DSG3: variants seen among roughly 807,000 people sequenced by gnomAD.
The protein encoded by DSG3 is desmoglein 3.
A neutral mutation model predicts 85.9 loss-of-function variants in DSG3; 63 were observed. The ratio of observed to expected loss-of-function variants is 0.73; its 90% CI spans 0.60 to 0.90. The LOEUF is 0.90. Ranked by LOEUF, DSG3 falls within the 40% of genes least tolerant of loss-of-function variation. The pLI is 0.00. For missense variants in DSG3, 1,220 were observed against 1,219.9 expected, an observed-to-expected ratio of 1.00 and a Z score of 0.00; for synonymous variants, 447 against 441.9, an observed-to-expected ratio of 1.01 and a Z score of -0.14.
Position 31,464,275 on chromosome 18 carries a change from G to A in DSG3, c.1164G>A (p.Lys388=). 1 of 1,614,144 alleles carries A rather than the reference G, an allele frequency of 6.2e-7. No homozygotes were observed. The highest frequency in any genetic ancestry group is 8.5e-7 in the Non-Finnish European group (1 of 1,180,012). ...GAATTGCATTCCGTCCTGCTTCCAA[G>A]ACATTTACTGTGCAAAAAGGCATAA... The part of the protein sequence containing the change: ...REGIAFRPAS[K]TFTVQKGISS... Residue 388 remains lysine, a synonymous_variant, in exon 9 of 16, where the codon AAG becomes AAA. Transcript: ENST00000257189.
chr18:31,472,524 G>A, intron 13 of DSG3, 101 bp downstream of exon 13: 1 of 1,425,464 alleles, frequency 7.0e-7, no homozygotes, highest in Non-Finnish European at 9.4e-7. Context: ...TTGACCTTCA[G>A]TTTCAGAGTC....
At chr18:31,461,073 T>C in intron 7 of DSG3, 112 bp downstream of exon 7, 1 of 1,282,940 alleles carries the variant, frequency 7.8e-7, no homozygotes, top group Non-Finnish European at 1.0e-6. Context: ...GCACTTATCT[T>C]TAAAGAAATA....
intron 3 of DSG3, 65 bp from the exon 4 acceptor site, chr18:31,458,380 T>G: frequency 6.6e-7 from 1 of 1,510,832 alleles, no homozygotes; most frequent in Non-Finnish European, 9.0e-7. Flanking sequence ...ACTATGGAAG[T>G]GGGGGTGGAG....
chr18:31,453,171 T>A (rs2072721421), intron 1 of DSG3, among the ~76,000 whole-genome samples: 1 of 152,218 alleles, frequency 6.6e-6, no homozygotes, highest in African/African-American at 2.4e-5. Flanking sequence ...TACCTGTGTA[T>A]ATTTCATGAC....
Position 31,450,101 on chromosome 18 carries a change from G to A in DSG3, c.48+2176G>A, listed in dbSNP as rs146176310. On this transcript the variant is annotated intron_variant, in intron 1 of 15. Coordinates refer to ENST00000257189, the MANE Select transcript of DSG3 (RefSeq NM_001944.3). The stretch of plus-strand genomic sequence containing the variant: ...TAAATTTTTTAATTATATGTGGTTC[G>A]CATTTGTGGTTTTTAGCTTTCTATT... Among the ~76,000 whole-genome samples the A allele has an allele frequency of 8.8e-3, 1,340 of 152,218 alleles. 19 individuals carry two copies. The highest frequency in any genetic ancestry group is 0.029 in the African/African-American group (1,216 of 41,512).
intron 1 of DSG3, among the ~76,000 whole-genome samples, chr18:31,455,619 G>A (rs1373220161): frequency 1.3e-5 from 2 of 152,180 alleles, no homozygotes; most frequent in Non-Finnish European, 2.9e-5. Flanking sequence ...GGATCTGGAA[G>A]GATGAGCAAT....
In DSG3 at chr18:31,478,148, G is replaced by A. The variant is rs548814824; in HGVS notation, c.*1888G>A. ...AAGGCTTTCAATGTGCCCATCTTAG[G>A]TGGGAGAAGCTAGATCCTGTGCAGC... On this transcript the variant is annotated 3_prime_UTR_variant, in exon 16 of 16. Coordinates refer to ENST00000257189, the MANE Select transcript of DSG3 (RefSeq NM_001944.3). 1 of 152,300 alleles carries A rather than the reference G, an allele frequency of 6.6e-6. No homozygotes were observed. The highest frequency in any genetic ancestry group is 6.5e-5 in the Admixed American group (1 of 15,278). 9.4% of individuals were successfully genotyped at this position (152,300 alleles called of 1,614,324 possible).
At chr18:31,450,751 T>G (rs2072706649) in intron 1 of DSG3, among the ~76,000 whole-genome samples, 4 of 152,058 alleles carry the variant, frequency 2.6e-5, no homozygotes, top group Non-Finnish European at 5.9e-5. Context: ...CTAATGAAAA[T>G]GGTCATAGTG....
Position 31,474,136 on chromosome 18 carries a change from C to T in DSG3, c.2117C>T (p.Thr706Met), listed in dbSNP as rs61730313. 152 of 1,612,774 alleles carry T rather than the reference C, an allele frequency of 9.4e-5. No homozygotes were observed. The African/African-American group carries it at 1.8e-3, about 19-fold the overall frequency. The change falls in exon 15 of 16, where the codon ACG becomes ATG. Residue 706 changes from threonine (T) to methionine (M), a missense_variant. Transcript: ENST00000257189. ...FMESSEVCTN[T>M]YARGTAVEGT... Reference sequence around the variant, plus strand: ...TTGTTTTTAGAAGTTTGTACAAATACGTATGCCAGAGGCACAGCGGTGGAA... The same window carrying T: ...TTGTTTTTAGAAGTTTGTACAAATATGTATGCCAGAGGCACAGCGGTGGAA...
chr18:31,451,010 T>G (rs747130441), intron 1 of DSG3, among the ~76,000 whole-genome samples: 5 of 152,124 alleles, frequency 3.3e-5, no homozygotes, highest in Middle Eastern at 3.2e-3. Context: ...ATTTTTAAAT[T>G]GACAGGAAAA....
Position 31,465,125 on chromosome 18 carries a change from C to CA in DSG3, c.1272-179dup, listed in dbSNP as rs60929557. 0.22 allele frequency among the ~76,000 whole-genome samples: 25,782 copies of CA among 115,644 alleles called. 2,453 individuals carry two copies. Among genetic ancestry groups the CA allele is most frequent in the African/African-American group, 0.32 (10,405 of 32,240 alleles). 75.9% of individuals were successfully genotyped at this position (115,644 alleles called of 152,430 possible). A position where few individuals can be genotyped will look rare whatever the true frequency, so the allele number is the denominator to read the frequency against. The stretch of plus-strand genomic sequence containing the variant: ...GGGCAACAAGAGCGAAACTCCGTCT[C>CA]AAAAAAAAAAAAAAGAATTATGAAA... On this transcript the variant is annotated intron_variant, in intron 9 of 15. Coordinates refer to ENST00000257189, the MANE Select transcript of DSG3 (RefSeq NM_001944.3).
At chr18:31,461,699 T>G (rs932376706) in intron 8 of DSG3, among the ~76,000 whole-genome samples, 1 of 152,146 alleles carries the variant, frequency 6.6e-6, no homozygotes, top group African/African-American at 2.4e-5. Flanking sequence ...ATATTATGGG[T>G]GTCCATACTT....
chr18:31,458,549 A>C lies in DSG3; in HGVS notation c.321A>C (p.Gly107=), dbSNP rs765413959. 16 of 1,614,080 alleles carry C rather than the reference A, an allele frequency of 9.9e-6. No individual in the cohort carries two copies. Among genetic ancestry groups the C allele is most frequent in the Non-Finnish European group, 1.4e-5 (16 of 1,179,972 alleles). ...TCTTTGTTGTTGACAAAAACACTGGAGATATTAACATAACAGCTATAGTCG... is the reference window on the plus strand; with the variant it reads ...TCTTTGTTGTTGACAAAAACACTGGCGATATTAACATAACAGCTATAGTCG... ...FGIFVVDKNT[G]DINITAIVDR... The change falls in exon 4 of 16, where the codon GGA becomes GGC. Residue 107 remains glycine, a synonymous_variant. Transcript: ENST00000257189.
At chr18:31,462,034 G>T (rs149790959) in intron 8 of DSG3, among the ~76,000 whole-genome samples, 117 of 151,950 alleles carry the variant, frequency 7.7e-4, no homozygotes, top group African/African-American at 2.5e-3. Context: ...GTTGGTTTTT[G>T]TTTTTTGTTG....
intron 1 of DSG3, among the ~76,000 whole-genome samples, chr18:31,453,417 C>CTGAAG (rs2072723093): frequency 6.6e-6 from 1 of 151,666 alleles, no homozygotes; most frequent in Non-Finnish European, 1.5e-5. Context: ...CTCGGCCAAA[C>CTGAAG]TAAAGAGCAG....
At chr18:31,473,367 A>G (rs1405633525) in intron 14 of DSG3, among the ~76,000 whole-genome samples, 1 of 152,170 alleles carries the variant, frequency 6.6e-6, no homozygotes, top group Admixed American at 6.5e-5. Context: ...CTTTGGTTTT[A>G]CCAAGTGGCT....
chr18:31,472,257 C>A, intron 12 of DSG3, 27 bp from the exon 13 acceptor site: 1 of 1,613,722 alleles, frequency 6.2e-7, no homozygotes, highest in East Asian at 2.2e-5. Flanking sequence ...GTCAAGTGTT[C>A]TGATGTTTTG....
chr18:31,447,818 CG>C lies in DSG3; in HGVS notation c.-58del, dbSNP rs2069430056. On this transcript the variant is annotated 5_prime_UTR_variant, in exon 1 of 16. Transcript: ENST00000257189. Reference sequence around the variant, plus strand: ...GCTTTTCTTAGACATCAACTGCAGACGGCTGGCAGGATAGAAGCAGCGGCTC... The same window carrying C: ...GCTTTTCTTAGACATCAACTGCAGACGCTGGCAGGATAGAAGCAGCGGCTC... The C allele has an allele frequency of 6.9e-7, 1 of 1,445,516 alleles. No homozygotes were observed. The highest frequency in any genetic ancestry group is 1.3e-5 in the South Asian group (1 of 77,888). 89.5% of individuals were successfully genotyped at this position (1,445,516 alleles called of 1,614,324 possible).
At chr18:31,471,866 C>A (rs1260497784) in intron 12 of DSG3, among the ~76,000 whole-genome samples, 1 of 152,146 alleles carries the variant, frequency 6.6e-6, no homozygotes, top group Non-Finnish European at 1.5e-5. Context: ...CCATCGTGCC[C>A]ACCTAAAATC....
Sources: gnomAD v4.1 joint callset for allele counts (sites outside exome capture counted in the v4.1 genomes callset) on GRCh38, gnomAD v4.1.1 for gene constraint, MANE v1.5 for transcripts, NCBI Gene and HGNC (gene_info 2026-07-23, HGNC 2026-07-21) for gene names.